The following ODAD1 variants were observed in gnomAD, a reference collection of about 807,000 sequenced individuals.
ODAD1 encodes the protein outer dynein arm docking complex subunit 1.
ODAD1 carries 49 observed loss-of-function variants against 67.2 expected under a neutral mutation model. That is an observed-to-expected ratio of 0.73 (90% CI 0.58 to 0.92). ODAD1 has a LOEUF of 0.92. Among genes scored for constraint, ODAD1 ranks in the 40% least tolerant of loss-of-function variants. ODAD1 has a pLI of 0.00. For missense variants in ODAD1, 897 were observed against 953.7 expected (o/e 0.94, Z 0.78); for synonymous variants, 345 against 393.7 (o/e 0.88, Z 1.46).
chr19:48,298,420 GC>G, intron 12 of ODAD1, 80 bp from the exon 13 acceptor site: 3 of 1,436,622 alleles, frequency 2.1e-6, no homozygotes, highest in Non-Finnish European at 2.9e-6. Flanking sequence ...GGTCCTCACT[GC>G]CCCATTCTAC....
At chr19:48,306,586 G>A (rs1287786207) in intron 7 of ODAD1, among the ~76,000 whole-genome samples, 3 of 152,168 alleles carry the variant, frequency 2.0e-5, no homozygotes, top group African/African-American at 7.2e-5. Context: ...GTGGAAATGA[G>A]GTGGAGGAGA....
intron 5 of ODAD1, among the ~76,000 whole-genome samples, chr19:48,315,170 G>A (rs1377706734): frequency 3.3e-5 from 5 of 151,530 alleles, no homozygotes; most frequent in Non-Finnish European, 4.4e-5. Flanking sequence ...CCACCTCCCA[G>A]GCCAGGCTCA....
At chr19:48,315,102 G>T (rs1968863391) in intron 5 of ODAD1, among the ~76,000 whole-genome samples, 2 of 151,332 alleles carry the variant, frequency 1.3e-5, no homozygotes, top group African/African-American at 2.4e-5. Context: ...TTAGAGACAG[G>T]GTCTCACTCT....
At chr19:48,317,730 G>A (rs1968935599) in intron 5 of ODAD1, among the ~76,000 whole-genome samples, 1 of 150,606 alleles carries the variant, frequency 6.6e-6, no homozygotes, top group East Asian at 2.0e-4. Context: ...CCAGGCTGGA[G>A]TGCAGCGGCG....
chr19:48,307,992 A>T (rs1264047994), intron 7 of ODAD1, among the ~76,000 whole-genome samples: 3 of 152,054 alleles, frequency 2.0e-5, no homozygotes, highest in African/African-American at 4.8e-5. Flanking sequence ...ACTCCCAAAA[A>T]GTGATGGGGT....
intron 12 of ODAD1, 130 bp downstream of exon 12, chr19:48,302,564 G>T: frequency 1.5e-6 from 1 of 683,362 alleles, no homozygotes; most frequent in Non-Finnish European, 2.5e-6. Context: ...TTGGAAAGAT[G>T]GACAGATATG....
chr19:48,297,096 G>T lies in ODAD1; in HGVS notation c.2004C>A (p.Ser668Arg). ...GGENTEGGVE[S>R]GGTASDSSGG... Reference sequence around the variant, plus strand: ...CGCTCGAATCAGACGCTGTGCCTCCGCTCTCCACACCACCCTCTGTGTTTT... The same window carrying T: ...CGCTCGAATCAGACGCTGTGCCTCCTCTCTCCACACCACCCTCTGTGTTTT... Residue 668 changes from serine to arginine, a missense_variant, in exon 16 of 16, where the codon AGC becomes AGA. Physicochemically the swap from Ser to Arg is moderately radical, Grantham distance 110. Coordinates refer to ENST00000674294, the MANE Select transcript of ODAD1 (RefSeq NM_001364171.2). The T allele has an allele frequency of 6.2e-7, 1 of 1,613,482 alleles. No individual in the cohort carries two copies. Among genetic ancestry groups the T allele is most frequent in the Non-Finnish European group, 8.5e-7 (1 of 1,179,622 alleles).
At chr19:48,318,872 C>T in intron 3 of ODAD1, 60 bp from the exon 4 acceptor site, 3 of 1,081,730 alleles carry the variant, frequency 2.8e-6, no homozygotes, top group East Asian at 5.2e-5. Context: ...TCCTCCCAAC[C>T]CAGGACCTAG....
At chr19:48,305,054 C>A (rs1473838868) in intron 8 of ODAD1, among the ~76,000 whole-genome samples, 2 of 152,114 alleles carry the variant, frequency 1.3e-5, no homozygotes, top group African/African-American at 2.4e-5. Flanking sequence ...ATCACAGAGA[C>A]CCTAAGGCCG....
chr19:48,318,830 C>A lies in ODAD1; in HGVS notation c.71-18G>T. The A allele has an allele frequency of 6.7e-7, 1 of 1,493,504 alleles. No homozygotes were observed. Among genetic ancestry groups the A allele is most frequent in the Middle Eastern group, 1.7e-4 (1 of 5,840 alleles). The allele number at this position is 1,493,504 out of a possible 1,614,324, so 92.5% of individuals were successfully genotyped here. A position where few individuals can be genotyped will look rare whatever the true frequency, so the allele number is the denominator to read the frequency against. On this transcript the variant is annotated intron_variant, in intron 3 of 15. Transcript: ENST00000674294. ...CCAATCCACTGAGAACAGGGCCAGC[C>A]AAGGGACTCAGCAGGGATCCTGGCC...
At chr19:48,303,530 G>A (rs544375350) in intron 10 of ODAD1, 120 bp downstream of exon 10, 20 of 1,284,966 alleles carry the variant, frequency 1.6e-5, no homozygotes, top group South Asian at 1.1e-4. Context: ...CAGGCATGAC[G>A]CCTTGTTCCT....
rs564415569 is a variant in ODAD1 at position 48,321,485 on chromosome 19, G to C, written c.-64+193C>G. 757 of 238,408 alleles carry C rather than the reference G, an allele frequency of 3.2e-3. 6 individuals are homozygous for C. The highest frequency in any genetic ancestry group is 0.016 in the African/African-American group (711 of 44,704). 14.8% of individuals were successfully genotyped at this position (238,408 alleles called of 1,614,324 possible). The stretch of plus-strand genomic sequence containing the variant: ...AGGGGCACGGACACCAGTACAGGAC[G>C]GGGCTTCGCAGACAGCGAGCGGAGG... On this transcript the variant is annotated intron_variant, in intron 1 of 15. Coordinates refer to ENST00000674294, the MANE Select transcript of ODAD1 (RefSeq NM_001364171.2).
At chr19:48,313,525 T>C (rs987244201) in intron 5 of ODAD1, among the ~76,000 whole-genome samples, 1 of 150,920 alleles carries the variant, frequency 6.6e-6, no homozygotes, top group Non-Finnish European at 1.5e-5. Context: ...AGAGTCTTCA[T>C]AGAAGTAATT....
At chr19:48,319,408 AC>A in intron 3 of ODAD1, 1 of 985,316 alleles carries the variant, frequency 1.0e-6, no homozygotes, top group South Asian at 4.7e-5. Context: ...GGGATCCCAG[AC>A]CCCAAGTGAC....
intron 5 of ODAD1, among the ~76,000 whole-genome samples, chr19:48,312,381 G>T (rs1428233526): frequency 3.3e-5 from 5 of 150,276 alleles, no homozygotes; most frequent in Non-Finnish European, 5.9e-5. Context: ...ACCCCATGGA[G>T]CTAGCCTGAC....
At chr19:48,315,838 C>T (rs1423953458) in intron 5 of ODAD1, among the ~76,000 whole-genome samples, 1 of 152,090 alleles carries the variant, frequency 6.6e-6, no homozygotes, top group Non-Finnish European at 1.5e-5. Flanking sequence ...TTGTGTGTAT[C>T]AATAGCCGGT....
Position 48,315,634 on chromosome 19 carries a change from G to A in ODAD1, c.360+2753C>T, listed in dbSNP as rs180971543. ...CCTAAAAGTTTCCTCATGCCCTTTT[G>A]TATTTCCTCACCTCATCCTCTTCCT... On this transcript the variant is annotated intron_variant, in intron 5 of 15. Transcript: ENST00000674294. 7.2e-5 allele frequency among the ~76,000 whole-genome samples: 11 copies of A among 152,234 alleles called. No homozygotes were observed. In the East Asian group the frequency reaches 1.9e-3, roughly 27 times the overall value.
intron 8 of ODAD1, among the ~76,000 whole-genome samples, chr19:48,305,978 G>T (rs1203829266): frequency 1.3e-5 from 2 of 152,024 alleles, no homozygotes; most frequent in African/African-American, 4.8e-5. Context: ...AGAATTGTTT[G>T]AACCTGGGAG....
intron 5 of ODAD1, among the ~76,000 whole-genome samples, chr19:48,317,892 A>G (rs796531863): frequency 9.2e-5 from 14 of 152,144 alleles, no homozygotes; most frequent in African/African-American, 3.4e-4. Context: ...CTAACACAGT[A>G]AAATCCTGTC....
Sources: allele counts gnomAD v4.1 joint callset (sites outside exome capture counted in the v4.1 genomes callset), GRCh38; gene constraint gnomAD v4.1.1; transcripts MANE v1.5; gene names NCBI Gene and HGNC (gene_info 2026-07-23, HGNC 2026-07-21).